Variants in PSMB3 observed in about 807,000 individuals in gnomAD.
PSMB3 encodes the protein proteasome subunit beta type-3.
In PSMB3, 5 loss-of-function variants were observed where a neutral mutation model predicts 23.3. That is an observed-to-expected ratio of 0.21 (90% CI 0.11 to 0.45). The LOEUF (loss-of-function observed/expected upper bound fraction) is 0.45. Ranked by LOEUF, PSMB3 falls within the 20% of genes least tolerant of loss-of-function variation. The pLI is 0.99. For missense variants in PSMB3, 192 were observed against 277.9 expected, an observed-to-expected ratio of 0.69 and a Z score of 2.20; for synonymous variants, 85 against 99.8, an observed-to-expected ratio of 0.85 and a Z score of 0.88.
chr17:38,761,363 A>G (rs1334717136), intron 4 of PSMB3, among the ~76,000 whole-genome samples: 1 of 151,832 alleles, frequency 6.6e-6, no homozygotes, highest in Non-Finnish European at 1.5e-5. Context: ...AAAAAAAAAA[A>G]AAAGTGGTGC....
At chr17:38,753,476 T>G in intron 2 of PSMB3, 142 bp downstream of exon 2, 1 of 812,260 alleles carries the variant, frequency 1.2e-6, no homozygotes, top group African/African-American at 1.8e-5. Context: ...AACATGTCCT[T>G]CCCTTTCTTT....
intron 5 of PSMB3, 96 bp downstream of exon 5, chr17:38,762,601 C>G: frequency 8.3e-7 from 1 of 1,210,668 alleles, no homozygotes; most frequent in Admixed American, 1.9e-5. Flanking sequence ...GCCCCCTGGT[C>G]AGGTGTGAGA....
At chr17:38,761,389 A>G (rs534831723) in intron 4 of PSMB3, among the ~76,000 whole-genome samples, 1 of 150,634 alleles carries the variant, frequency 6.6e-6, no homozygotes. Context: ...AAAACAAATG[A>G]GTATATGTGC....
At chr17:38,760,289 T>C in intron 3 of PSMB3, 142 bp from the exon 4 acceptor site, 1 of 812,462 alleles carries the variant, frequency 1.2e-6, no homozygotes, top group Non-Finnish European at 1.9e-6. Context: ...GGAGCTGGCC[T>C]CAGGGAAAGG....
intron 2 of PSMB3, among the ~76,000 whole-genome samples, chr17:38,755,628 G>C (rs1210879636): frequency 7.2e-6 from 1 of 138,112 alleles, no homozygotes; most frequent in Non-Finnish European, 1.5e-5. Flanking sequence ...CAGCCTGGGC[G>C]ACGAGTGAGA....
chr17:38,762,505 T>C lies in PSMB3; in HGVS notation c.569T>C (p.Ile190Thr). The change falls in exon 5 of 6, where the codon ATC (isoleucine) becomes ACC (threonine). Residue 190 changes from isoleucine to threonine, a missense_variant and splice_region_variant. Coordinates refer to ENST00000619426, the MANE Select transcript of PSMB3 (RefSeq NM_002795.4). ...VSGMGVIVHI[I>T]EKDKITTRTL... ...GGCATGGGAGTCATTGTCCACATCA[T>C]GTGAGTATGGGCTGGGAGAAGTCTA... The C allele has an allele frequency of 6.2e-7, 1 of 1,613,120 alleles. No homozygotes were observed. The highest frequency in any genetic ancestry group is 8.5e-7 in the Non-Finnish European group (1 of 1,179,052).
At chr17:38,759,138 T>G (rs1908331594) in intron 3 of PSMB3, among the ~76,000 whole-genome samples, 1 of 152,254 alleles carries the variant, frequency 6.6e-6, no homozygotes, top group Non-Finnish European at 1.5e-5. Flanking sequence ...TATTGGCCAT[T>G]TGTTATTTGG....
intron 1 of PSMB3, 125 bp from the exon 2 acceptor site, chr17:38,753,025 A>C: frequency 7.8e-7 from 1 of 1,274,958 alleles, no homozygotes; most frequent in Non-Finnish European, 1.1e-6. Flanking sequence ...CAGCTGGAGA[A>C]CCAGGGGTTC....
chr17:38,754,851 G>A (rs1908086825), intron 2 of PSMB3, among the ~76,000 whole-genome samples: 1 of 152,130 alleles, frequency 6.6e-6, no homozygotes, highest in Admixed American at 6.6e-5. Flanking sequence ...TGTGGCATTG[G>A]TCTGCTCTAT....
chr17:38,762,596 C>A, intron 5 of PSMB3, 91 bp downstream of exon 5: 1 of 1,269,830 alleles, frequency 7.9e-7, no homozygotes, highest in South Asian at 1.3e-5. Context: ...TCCCAGCCCC[C>A]TGGTCAGGTG....
intron 3 of PSMB3, among the ~76,000 whole-genome samples, chr17:38,758,094 G>C (rs1277943001): frequency 6.6e-6 from 1 of 152,142 alleles, no homozygotes; most frequent in Non-Finnish European, 1.5e-5. Flanking sequence ...TTTTACTGCA[G>C]TGTTTCAGAC....
chr17:38,758,293 T>A (rs1029589713), intron 3 of PSMB3, among the ~76,000 whole-genome samples: 9 of 152,100 alleles, frequency 5.9e-5, no homozygotes, highest in African/African-American at 2.2e-4. Flanking sequence ...TGTATTTTTT[T>A]TCTTTTCAAT....
intron 2 of PSMB3, among the ~76,000 whole-genome samples, chr17:38,754,123 C>T (rs1007522753): frequency 1.3e-5 from 2 of 152,096 alleles, no homozygotes; most frequent in Non-Finnish European, 2.9e-5. Context: ...GGATTTGTTT[C>T]CTAGAAGGTG....
chr17:38,755,676 ATATATATGTGTGTGTGTGTG>A (rs1908152657), intron 2 of PSMB3, among the ~76,000 whole-genome samples, 187 bp from the exon 3 acceptor site: 19 of 107,786 alleles, frequency 1.8e-4, no homozygotes, highest in Middle Eastern at 4.8e-3. Flanking sequence ...ATATATATAT[ATATATATGTGTGTGTGTGTG>A]TGTGTGTGTG....
chr17:38,761,217 T>C (rs1908421133), intron 4 of PSMB3, among the ~76,000 whole-genome samples: 1 of 151,800 alleles, frequency 6.6e-6, no homozygotes, highest in South Asian at 2.1e-4. Context: ...CCGGGCATGG[T>C]GGTGCATGCC....
chr17:38,755,659 AATAT>A (rs1156759896), intron 2 of PSMB3, among the ~76,000 whole-genome samples: 2 of 96,928 alleles, frequency 2.1e-5, no homozygotes, highest in Non-Finnish European at 3.7e-5. Context: ...AAAAAAAAAA[AATAT>A]ATATATATAT....
At chr17:38,757,701 G>A (rs929902368) in intron 3 of PSMB3, among the ~76,000 whole-genome samples, 2 of 152,252 alleles carry the variant, frequency 1.3e-5, no homozygotes, top group Non-Finnish European at 2.9e-5. Context: ...GGTAATCCCA[G>A]CTACTTGGGA....
intron 3 of PSMB3, among the ~76,000 whole-genome samples, chr17:38,758,688 C>G (rs1195162187): frequency 6.6e-6 from 1 of 152,134 alleles, no homozygotes; most frequent in Admixed American, 6.5e-5. Flanking sequence ...TAATCTTGAA[C>G]TGTGCGTGTG....
chr17:38,755,285 A>T (rs1277317884), intron 2 of PSMB3: 1 of 152,106 alleles, frequency 6.6e-6, no homozygotes, highest in Non-Finnish European at 1.5e-5. Flanking sequence ...CATTTTTAAT[A>T]TGGAACGCTT....
Sources: gnomAD v4.1 joint callset for allele counts (sites outside exome capture counted in the v4.1 genomes callset) on GRCh38, gnomAD v4.1.1 for gene constraint, MANE v1.5 for transcripts, NCBI Gene and HGNC (gene_info 2026-07-23, HGNC 2026-07-21) for gene names.